Variants in ARL15 observed in about 807,000 individuals in gnomAD.
ARL15 encodes ADP-ribosylation factor-like protein 15.
A neutral mutation model predicts 25.2 loss-of-function variants in ARL15; 19 were observed. That is an observed-to-expected ratio of 0.75 (90% CI 0.53 to 1.10). ARL15 has a LOEUF of 1.10. ARL15 is among the 50% of genes least tolerant of loss of function. The pLI is 0.00. For missense variants in ARL15, 220 were observed against 246.0 expected, an observed-to-expected ratio of 0.89 and a Z score of 0.71; for synonymous variants, 94 against 86.8, an observed-to-expected ratio of 1.08 and a Z score of -0.46.
intron 2 of ARL15, among the ~76,000 whole-genome samples, chr5:54,166,354 G>A (rs1754566808): frequency 6.6e-6 from 1 of 151,870 alleles, no homozygotes; most frequent in African/African-American, 2.4e-5. Context: ...ACCAACACAT[G>A]CAGCTAATTT....
At chr5:54,157,885 A>G (rs1017045292) in intron 2 of ARL15, among the ~76,000 whole-genome samples, 24 of 152,210 alleles carry the variant, frequency 1.6e-4, no homozygotes, top group African/African-American at 5.8e-4. Flanking sequence ...TTCAAAAGAC[A>G]AAGTCTAGAT....
intron 1 of ARL15, among the ~76,000 whole-genome samples, chr5:54,227,136 T>A (rs1181275265): frequency 6.6e-6 from 1 of 152,142 alleles, no homozygotes; most frequent in Non-Finnish European, 1.5e-5. Flanking sequence ...GAGAACAGAC[T>A]AATACACTAT....
intron 3 of ARL15, among the ~76,000 whole-genome samples, chr5:54,123,051 A>C (rs1462245100): frequency 6.6e-6 from 1 of 151,948 alleles, no homozygotes; most frequent in African/African-American, 2.4e-5. Context: ...GAGGACAAGA[A>C]GTCTCATTTT....
At chr5:53,892,665 C>T (rs1245016652) in intron 4 of ARL15, among the ~76,000 whole-genome samples, 1 of 151,064 alleles carries the variant, frequency 6.6e-6, no homozygotes, top group East Asian at 1.9e-4. Context: ...TGCTGTGGCA[C>T]AATCATAGCT....
intron 4 of ARL15, among the ~76,000 whole-genome samples, chr5:53,995,563 A>C (rs892861979): frequency 2.0e-5 from 3 of 152,208 alleles, no homozygotes; most frequent in East Asian, 1.9e-4. Flanking sequence ...TACACTACTA[A>C]GGTCCAAATA....
chr5:53,907,133 T>C (rs1745270718), intron 4 of ARL15, among the ~76,000 whole-genome samples: 1 of 151,996 alleles, frequency 6.6e-6, no homozygotes, highest in Non-Finnish European at 1.5e-5. Context: ...GAAGTACAGC[T>C]TCCTAGCAGG....
At chr5:54,038,054 C>T (rs58707639) in intron 4 of ARL15, among the ~76,000 whole-genome samples, 5,807 of 151,936 alleles carry the variant, frequency 0.038, 375 homozygotes, top group African/African-American at 0.13. Flanking sequence ...ACTTTAATTG[C>T]CAACTGTATA....
chr5:53,916,919 C>T (rs3797288), intron 4 of ARL15, among the ~76,000 whole-genome samples: 47,996 of 152,074 alleles, frequency 0.32, 8,240 homozygotes, highest in Non-Finnish European at 0.4. Context: ...CCCAAACCTC[C>T]GATATTCAGT....
At chr5:54,239,481 G>A (rs1171786091) in intron 1 of ARL15, among the ~76,000 whole-genome samples, 1 of 152,166 alleles carries the variant, frequency 6.6e-6, no homozygotes, top group East Asian at 1.9e-4. Context: ...TGGCATAAGG[G>A]AGTCTGTGTC....
Position 54,071,491 on chromosome 5 carries a change from C to T in ARL15, c.462+41711G>A, listed in dbSNP as rs1579764875. The stretch of plus-strand genomic sequence containing the variant: ...GATTTTTTTTTCAAGTATAGATGCT[C>T]TCTCTCTTCCACCGCCTTTCCCCCC... On this transcript the variant is annotated intron_variant, in intron 4 of 4. Coordinates refer to ENST00000504924, the MANE Select transcript of ARL15 (RefSeq NM_019087.3). Among the ~76,000 whole-genome samples, 3 of 128,594 alleles carry T rather than the reference C, an allele frequency of 2.3e-5. No individual in the cohort carries two copies. The Admixed American group carries it at 2.5e-4, about 11-fold the overall frequency. 84.4% of individuals were successfully genotyped at this position (128,594 alleles called of 152,430 possible).
intron 4 of ARL15, among the ~76,000 whole-genome samples, chr5:54,019,391 G>A (rs768567325): frequency 3.7e-4 from 56 of 151,852 alleles, no homozygotes; most frequent in African/African-American, 1.0e-3. Flanking sequence ...TTATTATTTC[G>A]GAAGCTTTAT....
At chr5:54,190,410 T>C (rs866083274) in intron 1 of ARL15, among the ~76,000 whole-genome samples, 67 of 151,704 alleles carry the variant, frequency 4.4e-4, no homozygotes, top group African/African-American at 1.5e-3. Flanking sequence ...AAAAAAAAAT[T>C]ACAGTGAGAT....
intron 4 of ARL15, 33 bp from the exon 5 acceptor site, chr5:53,886,746 T>C (rs1744538965): frequency 1.3e-6 from 2 of 1,506,564 alleles, no homozygotes; most frequent in South Asian, 2.6e-5. Flanking sequence ...AAATAGGTTA[T>C]TAATTATATC....
chr5:54,261,941 T>C (rs562917092), intron 1 of ARL15, among the ~76,000 whole-genome samples: 29 of 152,334 alleles, frequency 1.9e-4, no homozygotes, highest in African/African-American at 7.0e-4. Context: ...CATCCAATTA[T>C]TTAGTTAATA....
intron 1 of ARL15, among the ~76,000 whole-genome samples, chr5:54,187,475 A>G (rs983437542): frequency 4.6e-5 from 7 of 152,230 alleles, no homozygotes. Flanking sequence ...GACATAAAAC[A>G]GAACATATTT....
At chr5:54,261,584 G>A (rs1475109136) in intron 1 of ARL15, among the ~76,000 whole-genome samples, 3 of 152,006 alleles carry the variant, frequency 2.0e-5, no homozygotes, top group East Asian at 1.9e-4. Context: ...TCAGAAGTCT[G>A]GGTTTTATTA....
At chr5:54,231,036 TTC>T (rs1401487814) in intron 1 of ARL15, among the ~76,000 whole-genome samples, 1 of 152,038 alleles carries the variant, frequency 6.6e-6, no homozygotes, top group Admixed American at 6.6e-5. Flanking sequence ...CTGTTCCTCT[TTC>T]TCTCTCTCCC....
chr5:53,896,219 A>C (rs1744867874), intron 4 of ARL15, among the ~76,000 whole-genome samples: 1 of 152,096 alleles, frequency 6.6e-6, no homozygotes, highest in Non-Finnish European at 1.5e-5. Flanking sequence ...TTTTTGGTAG[A>C]GACAGTGTTT....
At chr5:54,154,549 G>A in intron 3 of ARL15, 31 bp downstream of exon 3, 8 of 1,401,510 alleles carry the variant, frequency 5.7e-6, no homozygotes, top group Non-Finnish European at 6.7e-6. Flanking sequence ...AAAGTTAAGG[G>A]CAGACATAGA....
Sources: gnomAD v4.1 joint callset for allele counts (sites outside exome capture counted in the v4.1 genomes callset) on GRCh38, gnomAD v4.1.1 for gene constraint, MANE v1.5 for transcripts, NCBI Gene and HGNC (gene_info 2026-07-23, HGNC 2026-07-21) for gene names.